The following BRD4 variants were observed in gnomAD, a reference collection of about 807,000 sequenced individuals.
BRD4 encodes bromodomain-containing protein 4.
A neutral mutation model predicts 142.1 loss-of-function variants in BRD4; 16 were observed. The ratio of observed to expected loss-of-function variants is 0.11; its 90% CI spans 0.08 to 0.17. BRD4 has a LOEUF of 0.17. Ranked by LOEUF, BRD4 falls within the 10% of genes least tolerant of loss-of-function variation. The pLI, the probability that BRD4 is intolerant of heterozygous loss-of-function variation, is 1.00. For synonymous variants in BRD4, 833 were observed against 707.5 expected, an observed-to-expected ratio of 1.18 and a Z score of -2.82; for missense variants, 1,424 against 1,810.9, an observed-to-expected ratio of 0.79 and a Z score of 3.88.
At chr19:15,278,723 G>GA (rs1166348771) in intron 1 of BRD4, among the ~76,000 whole-genome samples, 1 of 151,464 alleles carries the variant, frequency 6.6e-6, no homozygotes, top group East Asian at 1.9e-4. Flanking sequence ...AGGCATCACA[G>GA]AAAAAACTGA....
intron 1 of BRD4, among the ~76,000 whole-genome samples, chr19:15,323,178 T>TAAA (rs1017018376): frequency 0.21 from 15,342 of 72,920 alleles, 3,489 homozygotes; most frequent in African/African-American, 0.34. Context: ...TCCATCTCTT[T>TAAA]AAAAAAAAAA....
intron 1 of BRD4, among the ~76,000 whole-genome samples, chr19:15,297,467 C>G (rs1568402596): frequency 6.6e-6 from 1 of 152,210 alleles, no homozygotes; most frequent in East Asian, 1.9e-4. Flanking sequence ...CCTGGCTTCA[C>G]AGAGTTTTAA....
rs1438249520 is a variant in BRD4, at chr19:15,256,098, T to A, written c.1717A>T (p.Thr573Ser). 1.9e-6 allele frequency: 3 copies of A among 1,611,724 alleles called. No individual in the cohort carries two copies. The highest frequency in any genetic ancestry group is 3.3e-5 in the Admixed American group (2 of 59,930). The change falls in exon 9 of 20, where the codon ACG (threonine) becomes TCG (serine). Residue 573 changes from threonine (T) to serine (S), a missense_variant. Physicochemically the swap from Thr to Ser is moderately conservative, Grantham distance 58 (BLOSUM62 1). Around this residue, in one of 16 missense-constraint regions of BRD4, gnomAD observed 86 missense variants for 78.9 expected, o/e 1.09. Transcript: ENST00000679869. ...SKAKEPPPKK[T>S]KKNNSSNSNV... ...CTGTTGCTGCTATTATTTTTCTTCG[T>A]CTTTTTAGGAGGAGGTTCCTTGGCT...
At position 15,264,693 on chromosome 19, in the gene BRD4, G is replaced by A. The variant is rs137899234; in HGVS notation, c.923C>T (p.Ser308Leu). ...TTIDPIHEPP[S>L]LPPEPKTTKL... is the part of the protein sequence containing the mutation. ...GGTGGTCTTGGGCTCCGGGGGCAGC[G>A]AGGGTGGCTCGTGAATGGGGTCAAT... Residue 308 changes from serine (S) to leucine (L), a missense_variant, in exon 6 of 20, where the codon TCG becomes TTG. By Grantham distance (145) the Ser-to-Leu change is moderately radical (BLOSUM62 -2). Around this residue, in one of 16 missense-constraint regions of BRD4, gnomAD observed 86 missense variants for 79.9 expected, o/e 1.08. Transcript: ENST00000679869. The A allele has an allele frequency of 1.1e-4, 176 of 1,613,216 alleles. No homozygotes were observed. The highest frequency in any genetic ancestry group is 1.4e-4 in the Non-Finnish European group (165 of 1,180,044).
chr19:15,240,611 C>T (rs1025066713), intron 14 of BRD4, among the ~76,000 whole-genome samples: 11 of 152,166 alleles, frequency 7.2e-5, no homozygotes, highest in African/African-American at 2.4e-4. Flanking sequence ...GGGGAGCAGG[C>T]GGAAAAGGGC....
intron 10 of BRD4, 79 bp downstream of exon 10, chr19:15,255,218 A>T: frequency 3.7e-6 from 5 of 1,349,888 alleles, no homozygotes; most frequent in Non-Finnish European, 5.1e-6. Flanking sequence ...GCGCAGAAAG[A>T]GTGGACTGAG....
chr19:15,243,427 G>T lies in BRD4; in HGVS notation c.2642C>A (p.Pro881His). Reference sequence around the variant, plus strand: ...GGCTGGGGGCCGGGCGGGCTTGGGAGGCAGGGCAGCGGCTCGGTTGCTGGG... The same window carrying T: ...GGCTGGGGGCCGGGCGGGCTTGGGATGCAGGGCAGCGGCTCGGTTGCTGGG... ...SRPSNRAAAL[P>H]PKPARPPAVS... The change falls in exon 14 of 20, where the codon CCT becomes CAT. Residue 881 changes from proline to histidine, a missense_variant. Pro to His is a moderately conservative substitution (Grantham distance 77, BLOSUM62 -2). Coordinates refer to ENST00000679869, the MANE Select transcript of BRD4 (RefSeq NM_001379291.1). 1 of 1,577,188 alleles carries T rather than the reference G, an allele frequency of 6.3e-7. No homozygotes were observed. Among genetic ancestry groups the T allele is most frequent in the Non-Finnish European group, 8.6e-7 (1 of 1,164,134 alleles).
At chr19:15,328,391 G>C (rs557196543) in intron 1 of BRD4, among the ~76,000 whole-genome samples, 2 of 152,224 alleles carry the variant, frequency 1.3e-5, no homozygotes, top group South Asian at 2.1e-4. Flanking sequence ...CTTTTGGCAG[G>C]TCAGGGTTGA....
chr19:15,319,193 G>A (rs973307387), intron 1 of BRD4, among the ~76,000 whole-genome samples: 1 of 151,944 alleles, frequency 6.6e-6, no homozygotes, highest in African/African-American at 2.4e-5. Flanking sequence ...AAAAAGGCTG[G>A]GAGCGGTGCC....
In BRD4 at chr19:15,238,528, C is replaced by A. The variant is rs1458148970; in HGVS notation, c.4021-83G>T. The A allele has an allele frequency of 3.4e-5, 55 of 1,604,234 alleles. No homozygotes were observed. The highest frequency in any genetic ancestry group is 4.5e-5 in the Non-Finnish European group (53 of 1,175,762). ...AGCCCTCATACCCGCTACCAGCAGT[C>A]AGCCCCGTAGCCCTCCCCGTGGCTG... On this transcript the variant is annotated intron_variant, in intron 19 of 19. Coordinates refer to ENST00000679869, the MANE Select transcript of BRD4 (RefSeq NM_001379291.1). The surrounding 1 kb of genome is among the most constrained non-coding windows in gnomAD (Gnocchi z 7.2).
intron 1 of BRD4, among the ~76,000 whole-genome samples, chr19:15,275,409 C>A (rs531513745): frequency 2.6e-5 from 4 of 152,156 alleles, no homozygotes; most frequent in Non-Finnish European, 5.9e-5. Flanking sequence ...GGAGTGGAAA[C>A]ACCAGGTCTA....
intron 10 of BRD4, 40 bp downstream of exon 10, chr19:15,255,257 C>T (rs1200287136): frequency 1.9e-6 from 3 of 1,576,996 alleles, no homozygotes; most frequent in African/African-American, 1.4e-5. Context: ...TCTGAGGGTG[C>T]CCACAGAAGG....
At position 15,256,995 on chromosome 19, in the gene BRD4, C is replaced by T. The variant is rs777900262; in HGVS notation, c.1520G>A (p.Arg507Gln). ...DSSTDDSEEE[R>Q]AQRLAELQEQ... ...CTGGAGCTCAGCCAGCCGCTGGGCT[C>T]GCTCCTCCTCAGAGTCATCAGTCGA... Residue 507 changes from arginine to glutamine, a missense_variant, in exon 8 of 20, where the codon CGA (arginine) becomes CAA (glutamine). By Grantham distance (43) the Arg-to-Gln change is conservative. Transcript: ENST00000679869. 2 of 1,585,998 alleles carry T rather than the reference C, an allele frequency of 1.3e-6. No individual in the cohort carries two copies. The highest frequency in any genetic ancestry group is 1.7e-6 in the Non-Finnish European group (2 of 1,167,266).
intron 11 of BRD4, among the ~76,000 whole-genome samples, chr19:15,252,760 C>T (rs1334662249): frequency 1.3e-5 from 2 of 152,288 alleles, no homozygotes; most frequent in East Asian, 1.9e-4. Context: ...AGAATGTGGG[C>T]ATCTGGAGTC....
chr19:15,265,662 C>T lies in BRD4; in HGVS notation c.560-19G>A, dbSNP rs199826350. ...GCTGTCCCTACAAATCATAATAAGA[C>T]GGCGAGTTAGAGACCATGCTGACAT... On this transcript the variant is annotated intron_variant, in intron 4 of 19. Coordinates refer to ENST00000679869, the MANE Select transcript of BRD4 (RefSeq NM_001379291.1). 3.0e-5 allele frequency: 48 copies of T among 1,613,856 alleles called. No homozygotes were observed. Among genetic ancestry groups the T allele is most frequent in the South Asian group, 2.4e-4 (22 of 91,080 alleles).
intron 11 of BRD4, 30 bp downstream of exon 11, chr19:15,254,122 G>T (rs1261980507): frequency 3.2e-6 from 5 of 1,583,312 alleles, no homozygotes; most frequent in Admixed American, 3.3e-5. Flanking sequence ...GAAGAGTTTG[G>T]TAAGACACGT....
chr19:15,256,385 A>G, intron 8 of BRD4, 122 bp from the exon 9 acceptor site: 2 of 1,262,694 alleles, frequency 1.6e-6, no homozygotes, highest in Non-Finnish European at 2.2e-6. Flanking sequence ...GGGTGTGGGC[A>G]TAGGGGAGGC....
At position 15,273,108 on chromosome 19, in the gene BRD4, T is replaced by A. The variant is rs1357443016; in HGVS notation, c.-9A>T. 2 of 1,572,584 alleles carry A rather than the reference T, an allele frequency of 1.3e-6. No homozygotes were observed. The highest frequency in any genetic ancestry group is 1.7e-6 in the Non-Finnish European group (2 of 1,157,106). On this transcript the variant is annotated 5_prime_UTR_variant, in exon 2 of 20. Transcript: ENST00000679869. ...CCGCTCTCCGCAGACATGCTAGTGA[T>A]CCCATCACATTCTTCACCAGGCACT...
At position 15,256,078 on chromosome 19, in the gene BRD4, G is replaced by C. The variant is rs777410056; in HGVS notation, c.1737C>G (p.Ser579Arg). 1 of 1,611,410 alleles carries C rather than the reference G, an allele frequency of 6.2e-7. No homozygotes were observed. Among genetic ancestry groups the C allele is most frequent in the Non-Finnish European group, 8.5e-7 (1 of 1,179,740 alleles). The change falls in exon 9 of 20, where the codon AGC becomes AGG. Residue 579 changes from serine (S) to arginine (R), a missense_variant. Coordinates refer to ENST00000679869, the MANE Select transcript of BRD4 (RefSeq NM_001379291.1). ...GGGACACAGACCTCACATTGCTGTT[G>C]CTGCTATTATTTTTCTTCGTCTTTT... Reference protein sequence around the residue: ...PPKKTKKNNSSNSNVSKKEPA... With the variant: ...PPKKTKKNNSRNSNVSKKEPA...
Sources: allele counts gnomAD v4.1 joint callset (sites outside exome capture counted in the v4.1 genomes callset), GRCh38; gene constraint gnomAD v4.1.1; regional missense constraint gnomAD v4.1.1; non-coding constraint Gnocchi (gnomAD v3.1); transcripts MANE v1.5; gene names NCBI Gene and HGNC (gene_info 2026-07-23, HGNC 2026-07-21).